OGN: variants seen among roughly 807,000 people sequenced by gnomAD.
OGN encodes the protein osteoglycin.
A neutral mutation model predicts 30.8 loss-of-function variants in OGN; 19 were observed. The observed-to-expected ratio is 0.62, with a 90% CI of 0.43 to 0.90. The LOEUF (loss-of-function observed/expected upper bound fraction) is 0.90. OGN is among the 40% of genes least tolerant of loss of function. OGN has a pLI of 0.00. For synonymous variants in OGN, 126 were observed against 128.3 expected (o/e 0.98, Z 0.12); for missense variants, 283 against 349.7 (o/e 0.81, Z 1.52).
chr9:92,394,531 G>A (rs543041685), intron 3 of OGN, among the ~76,000 whole-genome samples: 20 of 151,500 alleles, frequency 1.3e-4, no homozygotes, highest in African/African-American at 4.4e-4. Context: ...GATTACAGAC[G>A]TGAGCCATCA....
intron 3 of OGN, among the ~76,000 whole-genome samples, chr9:92,395,874 T>G (rs1842872931): frequency 6.6e-6 from 1 of 152,110 alleles, no homozygotes; most frequent in Admixed American, 6.5e-5. Context: ...CATTTTAAAT[T>G]TTAATGAAGA....
intron 3 of OGN, among the ~76,000 whole-genome samples, chr9:92,395,070 G>A (rs1027686861): frequency 1.1e-4 from 16 of 151,706 alleles, no homozygotes; most frequent in Admixed American, 3.3e-4. Flanking sequence ...AATTAATTGC[G>A]TGTATTTAAA....
chr9:92,403,444 T>C lies in OGN; in HGVS notation c.-37A>G. 6.3e-7 allele frequency: 1 copy of C among 1,579,026 alleles called. No homozygotes were observed. Among genetic ancestry groups the C allele is most frequent in the East Asian group, 2.2e-5 (1 of 44,502 alleles). The stretch of plus-strand genomic sequence containing the variant: ...TCAAGGTGACTGGAAGTTAATAAAC[T>C]AGTGGCCTGCTGACTGTGGGACAAA... On this transcript the variant is annotated 5_prime_UTR_variant, in exon 2 of 7. Transcript: ENST00000375561.
chr9:92,393,029 A>G, intron 4 of OGN, 57 bp downstream of exon 4: 1 of 1,402,304 alleles, frequency 7.1e-7, no homozygotes, highest in Non-Finnish European at 9.9e-7. Context: ...ACTTGTGTTT[A>G]TATGAGTTAA....
intron 5 of OGN, among the ~76,000 whole-genome samples, chr9:92,388,665 C>G (rs1463402529): frequency 6.6e-6 from 1 of 151,754 alleles, no homozygotes; most frequent in Non-Finnish European, 1.5e-5. Context: ...ACACCCATCT[C>G]TACTAAAAGT....
At chr9:92,402,330 C>A (rs762697939) in intron 2 of OGN, among the ~76,000 whole-genome samples, 2 of 151,834 alleles carry the variant, frequency 1.3e-5, no homozygotes. Flanking sequence ...TGTACCCCTG[C>A]AAAAAAGAAA....
In OGN at chr9:92,403,247, C is replaced by T; in HGVS notation, c.161G>A (p.Gly54Glu). 1.3e-6 allele frequency: 2 copies of T among 1,569,170 alleles called. No individual in the cohort carries two copies. The highest frequency in any genetic ancestry group is 8.7e-7 in the Non-Finnish European group (1 of 1,149,120). ...SQDYEDKYLDGKNIKEKETVI... is the reference protein window; with the variant it reads ...SQDYEDKYLDEKNIKEKETVI... ...GAAATAAAGTACCTTAATATTTTTT[C>T]CATCCAGGTATTTATCCTCATAATC... The change falls in exon 2 of 7, where the codon GGA (glycine) becomes GAA (glutamate). Residue 54 changes from glycine to glutamate, a missense_variant. By Grantham distance (98) the Gly-to-Glu change is moderately conservative (BLOSUM62 -2). Transcript: ENST00000375561.
chr9:92,391,702 G>A (rs894180315), intron 4 of OGN, among the ~76,000 whole-genome samples: 2 of 152,142 alleles, frequency 1.3e-5, no homozygotes, highest in Non-Finnish European at 2.9e-5. Context: ...TGTGAACAGG[G>A]CATTTATTTA....
intron 4 of OGN, among the ~76,000 whole-genome samples, chr9:92,392,572 G>A (rs762666943): frequency 9.2e-5 from 14 of 151,474 alleles, no homozygotes; most frequent in East Asian, 1.9e-4. Flanking sequence ...CCAAGATCAC[G>A]CCACTCTACT....
chr9:92,403,583 TA>T (rs1160399537), intron 1 of OGN, 101 bp from the exon 2 acceptor site: 91 of 1,234,344 alleles, frequency 7.4e-5, no homozygotes, highest in Non-Finnish European at 9.0e-5. Context: ...ATTTAACCCT[TA>T]GTGATCTTTA....
At chr9:92,386,878 G>A (rs1842444697) in intron 5 of OGN, among the ~76,000 whole-genome samples, 3 of 149,834 alleles carry the variant, frequency 2.0e-5, no homozygotes, top group Non-Finnish European at 3.0e-5. Context: ...CACCATGCCC[G>A]GCCTAAAAAA....
chr9:92,397,014 A>G (rs1378550206), intron 3 of OGN, among the ~76,000 whole-genome samples: 2 of 151,654 alleles, frequency 1.3e-5, no homozygotes, highest in Non-Finnish European at 2.9e-5. Flanking sequence ...CATCTCTACA[A>G]AAAAATACAA....
chr9:92,397,253 C>T (rs1409760271), intron 3 of OGN, among the ~76,000 whole-genome samples: 1 of 152,116 alleles, frequency 6.6e-6, no homozygotes, highest in Non-Finnish European at 1.5e-5. Flanking sequence ...CAAGATGTCC[C>T]AAACTAACCT....
intron 2 of OGN, among the ~76,000 whole-genome samples, chr9:92,402,477 G>A (rs116443877): frequency 1.2e-3 from 176 of 152,268 alleles, no homozygotes; most frequent in African/African-American, 3.9e-3. Context: ...ATGTGTATGT[G>A]TCATACATAG....
chr9:92,391,441 A>G (rs1842681454), intron 4 of OGN, among the ~76,000 whole-genome samples: 1 of 151,550 alleles, frequency 6.6e-6, no homozygotes, highest in Non-Finnish European at 1.5e-5. Context: ...TTAAATTACA[A>G]TAAAACAAGT....
At chr9:92,385,870 A>G (rs1461287416) in intron 6 of OGN, 80 bp from the exon 7 acceptor site, 4 of 1,373,834 alleles carry the variant, frequency 2.9e-6, no homozygotes, top group Admixed American at 3.7e-5. Flanking sequence ...AAGGAAACCT[A>G]AGTCAGAGGT....
chr9:92,393,012 TATAGA>T (rs1588089742), intron 4 of OGN, 69 bp downstream of exon 4: 1 of 1,191,946 alleles, frequency 8.4e-7, no homozygotes, highest in East Asian at 2.5e-5. Flanking sequence ...GCAGCAACTA[TATAGA>T]AACTTGTGTT....
chr9:92,392,937 G>T, intron 4 of OGN, 149 bp downstream of exon 4: 1 of 604,864 alleles, frequency 1.7e-6, no homozygotes, highest in Non-Finnish European at 2.8e-6. Flanking sequence ...ACCAACAAAT[G>T]AATGGACTTT....
intron 4 of OGN, among the ~76,000 whole-genome samples, chr9:92,391,225 T>C (rs1489792509): frequency 6.8e-6 from 1 of 146,954 alleles, no homozygotes; most frequent in Non-Finnish European, 1.5e-5. Context: ...TGAAACCCCA[T>C]CTCTACTAAA....
Sources: allele counts gnomAD v4.1 joint callset (sites outside exome capture counted in the v4.1 genomes callset), GRCh38; gene constraint gnomAD v4.1.1; transcripts MANE v1.5; gene names NCBI Gene and HGNC (gene_info 2026-07-23, HGNC 2026-07-21).